The following DNAJC15 variants were observed in gnomAD, a reference collection of about 807,000 sequenced individuals.
DNAJC15 encodes dnaJ homolog subfamily C member 15.
A neutral mutation model predicts 22.4 loss-of-function variants in DNAJC15; 27 were observed. That is an observed-to-expected ratio of 1.20 (90% CI 0.89 to 1.66). The LOEUF (loss-of-function observed/expected upper bound fraction) is 1.66, where lower values mean the gene tolerates loss of function less well. Ranked by LOEUF, DNAJC15 falls within the 40% of genes most tolerant of loss-of-function variation. The pLI is 0.00. For missense variants in DNAJC15, 208 were observed against 187.1 expected (o/e 1.11, Z -0.65); for synonymous variants, 79 against 63.2 (o/e 1.25, Z -1.19).
intron 1 of DNAJC15, among the ~76,000 whole-genome samples, chr13:43,025,427 T>C (rs1056900434): frequency 1.3e-5 from 2 of 152,190 alleles, no homozygotes; most frequent in Non-Finnish European, 2.9e-5. Context: ...GAAGCATCTT[T>C]AGTAGTCCAG....
intron 5 of DNAJC15, among the ~76,000 whole-genome samples, chr13:43,104,392 T>C (rs555477580): frequency 6.6e-6 from 1 of 152,320 alleles, no homozygotes; most frequent in African/African-American, 2.4e-5. Flanking sequence ...ATCTCCAGGA[T>C]CTTGGCCCTC....
intron 5 of DNAJC15, among the ~76,000 whole-genome samples, chr13:43,100,292 T>C (rs9533389): frequency 0.26 from 38,777 of 150,440 alleles, 5,183 homozygotes; most frequent in Non-Finnish European, 0.31. Context: ...ACTGCAGCCT[T>C]GACCTCCTGG....
chr13:43,049,263 CA>C (rs1050163302), intron 1 of DNAJC15, among the ~76,000 whole-genome samples: 3 of 152,116 alleles, frequency 2.0e-5, no homozygotes, highest in Non-Finnish European at 4.4e-5. Context: ...ATTGTCTTTT[CA>C]ATGTCATTTT....
intron 1 of DNAJC15, among the ~76,000 whole-genome samples, chr13:43,042,299 T>C (rs972618629): frequency 2.0e-5 from 3 of 152,206 alleles, no homozygotes; most frequent in African/African-American, 4.8e-5. Flanking sequence ...ATAAAACTTA[T>C]GTGAGTATGG....
At chr13:43,082,213 C>A (rs77396173) in intron 4 of DNAJC15, among the ~76,000 whole-genome samples, 2,918 of 152,074 alleles carry the variant, frequency 0.019, 77 homozygotes, top group South Asian at 0.11. Context: ...CAAAACTGCT[C>A]CATTTGCCAG....
intron 1 of DNAJC15, among the ~76,000 whole-genome samples, chr13:43,063,822 T>C (rs2040570723): frequency 6.6e-6 from 1 of 152,124 alleles, no homozygotes; most frequent in African/African-American, 2.4e-5. Context: ...GATGAAAGAA[T>C]AAACAAAATT....
chr13:43,105,993 C>T (rs1320131656), intron 5 of DNAJC15, among the ~76,000 whole-genome samples: 1 of 152,160 alleles, frequency 6.6e-6, no homozygotes, highest in Non-Finnish European at 1.5e-5. Context: ...TCAGTTGTAT[C>T]CTCAAGGGCA....
intron 1 of DNAJC15, among the ~76,000 whole-genome samples, chr13:43,058,465 G>A (rs925357211): frequency 2.0e-5 from 3 of 152,076 alleles, no homozygotes; most frequent in African/African-American, 4.8e-5. Context: ...ATTGTCCTTG[G>A]GCAGGGCTTG....
In DNAJC15 at chr13:43,112,682, C is replaced by T. The variant is rs2040830460; in HGVS notation, c.*5434C>T. 1 of 152,146 alleles carries T rather than the reference C, an allele frequency of 6.6e-6. No individual in the cohort carries two copies. Among genetic ancestry groups the T allele is most frequent in the South Asian group, 2.1e-4 (1 of 4,822 alleles). 9.4% of individuals were successfully genotyped at this position (152,146 alleles called of 1,614,324 possible). A position where few individuals can be genotyped will look rare whatever the true frequency, so the allele number is the denominator to read the frequency against. On this transcript the variant is annotated 3_prime_UTR_variant, in exon 6 of 6. Coordinates refer to ENST00000379221, the MANE Select transcript of DNAJC15 (RefSeq NM_013238.3). Reference sequence around the variant, plus strand: ...CAGCCTAAGAGGTACTATTATGTATCCCCATTTTACAGGTTAAGAAACAGG... The same window carrying T: ...CAGCCTAAGAGGTACTATTATGTATTCCCATTTTACAGGTTAAGAAACAGG...
chr13:43,108,526 A>G lies in DNAJC15; in HGVS notation c.*1278A>G, dbSNP rs1023505141. Reference sequence around the variant, plus strand: ...TAAACTGAACTACTGCATTGTTTCTATCTTAAAATACTTTTTAGATATCCT... The same window carrying G: ...TAAACTGAACTACTGCATTGTTTCTGTCTTAAAATACTTTTTAGATATCCT... On this transcript the variant is annotated 3_prime_UTR_variant, in exon 6 of 6. Transcript: ENST00000379221. 6.6e-6 allele frequency: 1 copy of G among 152,206 alleles called. No homozygotes were observed. The highest frequency in any genetic ancestry group is 2.4e-5 in the African/African-American group (1 of 41,458). The allele number at this position is 152,206 out of a possible 1,614,324, so 9.4% of individuals were successfully genotyped here.
chr13:43,077,815 T>G (rs888781915), intron 3 of DNAJC15, among the ~76,000 whole-genome samples: 1 of 152,306 alleles, frequency 6.6e-6, no homozygotes, highest in East Asian at 1.9e-4. Context: ...CAAGGAAATG[T>G]TAGTTCTGTT....
chr13:43,099,609 G>T (rs2040757373), intron 5 of DNAJC15, among the ~76,000 whole-genome samples: 1 of 151,938 alleles, frequency 6.6e-6, no homozygotes, highest in Admixed American at 6.5e-5. Context: ...GTTGAATCTT[G>T]TCAAATGCTT....
chr13:43,068,985 A>G lies in DNAJC15; in HGVS notation c.216A>G (p.Ala72=). 6.2e-7 allele frequency: 1 copy of G among 1,612,852 alleles called. No individual in the cohort carries two copies. Among genetic ancestry groups the G allele is most frequent in the Non-Finnish European group, 8.5e-7 (1 of 1,179,354 alleles). ...KPLEQVITET[A]KKISTPSFSS... is the part of the protein sequence containing the mutation. ...TAGAACAAGTTATCACAGAAACTGCAAAGAAGATTTCAACTCCTGTAAGTT... is the reference window on the plus strand; with the variant it reads ...TAGAACAAGTTATCACAGAAACTGCGAAGAAGATTTCAACTCCTGTAAGTT... Residue 72 remains alanine (A), a synonymous_variant, in exon 3 of 6, where the codon GCA becomes GCG. Transcript: ENST00000379221.
intron 1 of DNAJC15, among the ~76,000 whole-genome samples, chr13:43,044,021 A>G (rs986385994): frequency 1.3e-5 from 2 of 151,924 alleles, no homozygotes; most frequent in Non-Finnish European, 2.9e-5. Flanking sequence ...TGTGTCTGAC[A>G]CTTTTTCTTG....
intron 1 of DNAJC15, among the ~76,000 whole-genome samples, chr13:43,032,158 G>A (rs117640454): frequency 0.012 from 1,832 of 152,276 alleles, 12 homozygotes; most frequent in Non-Finnish European, 0.019. Context: ...CGGTAATACC[G>A]TGGTTTCTTC....
intron 2 of DNAJC15, among the ~76,000 whole-genome samples, chr13:43,067,022 T>G (rs1442869515): frequency 1.3e-5 from 2 of 152,194 alleles, no homozygotes; most frequent in Non-Finnish European, 2.9e-5. Context: ...AAATGTTAAT[T>G]TGAGAATATG....
chr13:43,058,258 T>A lies in DNAJC15; in HGVS notation c.109-7428T>A, dbSNP rs546826567. ...TTCAAGAGAGCATCAGCTGCAGCAG[T>A]ATGGGGGATACAAGCTTGCCCTAAG... is the stretch of plus-strand genomic sequence containing the variant. On this transcript the variant is annotated intron_variant, in intron 1 of 5. Transcript: ENST00000379221. Among the ~76,000 whole-genome samples the A allele has an allele frequency of 9.9e-5, 15 of 152,244 alleles. No homozygotes were observed. The South Asian group carries it at 3.1e-3, about 32-fold the overall frequency.
intron 1 of DNAJC15, among the ~76,000 whole-genome samples, chr13:43,028,808 G>A (rs1321258134): frequency 2.0e-5 from 3 of 151,906 alleles, no homozygotes; most frequent in African/African-American, 4.8e-5. Flanking sequence ...AGCCTTCCCT[G>A]ACCCCAGTTC....
chr13:43,068,214 G>T (rs1309847455), intron 2 of DNAJC15, among the ~76,000 whole-genome samples: 1 of 152,054 alleles, frequency 6.6e-6, no homozygotes, highest in African/African-American at 2.4e-5. Context: ...GGGTGCAAAA[G>T]ATAAAGTAGC....
Sources: gnomAD v4.1 joint callset for allele counts (sites outside exome capture counted in the v4.1 genomes callset) on GRCh38, gnomAD v4.1.1 for gene constraint, MANE v1.5 for transcripts, NCBI Gene and HGNC (gene_info 2026-07-23, HGNC 2026-07-21) for gene names.